Variants in ADAM19 observed in about 807,000 individuals in gnomAD.
The protein encoded by ADAM19 is disintegrin and metalloproteinase domain-containing protein 19.
ADAM19 carries 65 observed loss-of-function variants against 114.7 expected under a neutral mutation model. That is an observed-to-expected ratio of 0.57 (90% CI 0.46 to 0.70). The LOEUF (loss-of-function observed/expected upper bound fraction) is 0.70, where lower values mean the gene tolerates loss of function less well. Ranked by LOEUF, ADAM19 falls within the 30% of genes least tolerant of loss-of-function variation. ADAM19 has a pLI of 0.00. For missense variants in ADAM19, 1,063 were observed against 1,204.7 expected, an observed-to-expected ratio of 0.88 and a Z score of 1.74; for synonymous variants, 466 against 460.5, an observed-to-expected ratio of 1.01 and a Z score of -0.15.
intron 5 of ADAM19, among the ~76,000 whole-genome samples, chr5:157,524,507 C>T (rs1417816262): frequency 1.3e-5 from 2 of 152,250 alleles, no homozygotes; most frequent in African/African-American, 4.8e-5. Context: ...TTCCTGGGGA[C>T]TTGTCCATTC....
At chr5:157,560,889 G>A (rs978966385) in intron 3 of ADAM19, among the ~76,000 whole-genome samples, 1 of 152,210 alleles carries the variant, frequency 6.6e-6, no homozygotes, top group African/African-American at 2.4e-5. Context: ...TAGCTACCTT[G>A]AGCTTGGAAT....
At position 157,478,733 on chromosome 5, in the gene ADAM19, T is replaced by C. The variant is rs1000420503; in HGVS notation, c.*2216A>G. 7.1e-6 allele frequency: 7 copies of C among 985,836 alleles called. No individual in the cohort carries two copies. Among genetic ancestry groups the C allele is most frequent in the Non-Finnish European group, 8.4e-6 (7 of 829,954 alleles). The allele number at this position is 985,836 out of a possible 1,614,324, so 61.1% of individuals were successfully genotyped here. A position where few individuals can be genotyped will look rare whatever the true frequency, so the allele number is the denominator to read the frequency against. On this transcript the variant is annotated 3_prime_UTR_variant, in exon 23 of 23. Coordinates refer to ENST00000257527, the MANE Select transcript of ADAM19 (RefSeq NM_033274.5). ...ACCATCTTCCAGTTCACAGTACAAC[T>C]TTATGGGATGGAGGTGATATGAAAA...
At chr5:157,554,209 G>T (rs4627972) in intron 3 of ADAM19, among the ~76,000 whole-genome samples, 2,117 of 152,302 alleles carry the variant, frequency 0.014, 42 homozygotes, top group African/African-American at 0.048. Context: ...CCAAACCCAA[G>T]CATCCTGACT....
At chr5:157,521,584 C>T (rs1470810363) in intron 5 of ADAM19, among the ~76,000 whole-genome samples, 2 of 152,176 alleles carry the variant, frequency 1.3e-5, no homozygotes, top group African/African-American at 4.8e-5. Flanking sequence ...GGATCCCATC[C>T]CTGGCTGACC....
In ADAM19 at chr5:157,477,518, G is replaced by A; in HGVS notation, c.*3431C>T. Reference sequence around the variant, plus strand: ...TCCCAGACACATACAAACGCACAGTGGACGGTGTGAGAGGACGCGTTGGGG... The same window carrying A: ...TCCCAGACACATACAAACGCACAGTAGACGGTGTGAGAGGACGCGTTGGGG... On this transcript the variant is annotated 3_prime_UTR_variant, in exon 23 of 23. Transcript: ENST00000257527. 2.6e-6 allele frequency: 3 copies of A among 1,142,972 alleles called. No homozygotes were observed. The highest frequency in any genetic ancestry group is 3.3e-6 in the Non-Finnish European group (3 of 913,860). 70.8% of individuals were successfully genotyped at this position (1,142,972 alleles called of 1,614,324 possible).
Position 157,522,786 on chromosome 5 carries a change from C to T in ADAM19, c.408-2755G>A, listed in dbSNP as rs943054962. 2.0e-5 allele frequency among the ~76,000 whole-genome samples: 3 copies of T among 151,208 alleles called. No individual in the cohort carries two copies. In the South Asian group the frequency reaches 6.3e-4, roughly 32 times the overall value. On this transcript the variant is annotated intron_variant, in intron 5 of 22. Transcript: ENST00000257527. ...GGGCGACAGAGCAAGACTCCATCTC[C>T]AAAAGAAAAAAAAATACCCTGTAGA...
chr5:157,481,046 C>T, intron 22 of ADAM19, 44 bp from the exon 23 acceptor site: 2 of 1,613,290 alleles, frequency 1.2e-6, no homozygotes, highest in Non-Finnish European at 1.7e-6. Context: ...CAGCTTGATG[C>T]TGATCAATGG....
chr5:157,490,205 C>T (rs1443210362), intron 19 of ADAM19, 105 bp downstream of exon 19: 1 of 1,320,386 alleles, frequency 7.6e-7, no homozygotes, highest in Non-Finnish European at 1.1e-6. Context: ...CACTTGTCTT[C>T]CCTGAATTAG....
chr5:157,522,272 A>T (rs560164830), intron 5 of ADAM19, among the ~76,000 whole-genome samples: 79 of 150,426 alleles, frequency 5.3e-4, no homozygotes, highest in African/African-American at 1.9e-3. Flanking sequence ...AGTAAGAGTA[A>T]GAGTAGGGAT....
At chr5:157,485,733 C>T (rs1464097551) in intron 21 of ADAM19, among the ~76,000 whole-genome samples, 1 of 152,234 alleles carries the variant, frequency 6.6e-6, no homozygotes. Context: ...AAAGCTCCTT[C>T]ATCACTTGCC....
chr5:157,482,005 T>G, intron 21 of ADAM19, 62 bp from the exon 22 acceptor site: 1 of 1,327,844 alleles, frequency 7.5e-7, no homozygotes, highest in Non-Finnish European at 1.0e-6. Context: ...AAAATATCCC[T>G]GATATCTTAC....
chr5:157,499,768 T>A, intron 12 of ADAM19, 106 bp from the exon 13 acceptor site: 17 of 416,860 alleles, frequency 4.1e-5, no homozygotes, highest in Non-Finnish European at 5.0e-5. Flanking sequence ...CTCTAGCAAC[T>A]ATCTCTTTTT....
At chr5:157,486,073 G>C (rs542985260) in intron 21 of ADAM19, among the ~76,000 whole-genome samples, 1 of 152,224 alleles carries the variant, frequency 6.6e-6, no homozygotes, top group Non-Finnish European at 1.5e-5. Flanking sequence ...GGGGGTCCAT[G>C]TCCCCCAGCT....
chr5:157,526,207 T>G (rs1035027145), intron 5 of ADAM19, among the ~76,000 whole-genome samples: 76 of 151,844 alleles, frequency 5.0e-4, no homozygotes, highest in African/African-American at 1.8e-3. Context: ...CACACAATTA[T>G]GTATTTCAAT....
intron 9 of ADAM19, 57 bp from the exon 10 acceptor site, chr5:157,507,197 T>C: frequency 6.4e-7 from 1 of 1,556,094 alleles, no homozygotes; most frequent in Non-Finnish European, 8.9e-7. Flanking sequence ...GCTGTTCCAA[T>C]GTGCCTGGGA....
At chr5:157,519,017 G>C (rs1350757414) in intron 6 of ADAM19, 129 bp from the exon 7 acceptor site, 3 of 776,924 alleles carry the variant, frequency 3.9e-6, no homozygotes, top group South Asian at 1.6e-5. Flanking sequence ...TTCGGCACTA[G>C]AGATGTTCTT....
intron 3 of ADAM19, among the ~76,000 whole-genome samples, chr5:157,549,643 T>C (rs1757135738): frequency 6.6e-6 from 1 of 152,236 alleles, no homozygotes; most frequent in African/African-American, 2.4e-5. Context: ...CTTTCAATTC[T>C]ACCATGTAAA....
intron 3 of ADAM19, among the ~76,000 whole-genome samples, chr5:157,552,685 A>T (rs1446919321): frequency 6.8e-6 from 1 of 147,126 alleles, no homozygotes; most frequent in Non-Finnish European, 1.5e-5. Context: ...CTCAAAAAAA[A>T]AAAAAAAAAA....
intron 8 of ADAM19, among the ~76,000 whole-genome samples, chr5:157,510,246 G>T (rs1407637034): frequency 6.6e-6 from 1 of 152,226 alleles, no homozygotes; most frequent in African/African-American, 2.4e-5. Flanking sequence ...AGGCTAAGGT[G>T]GATGGATCAC....
Sources: gnomAD v4.1 joint callset for allele counts (sites outside exome capture counted in the v4.1 genomes callset) on GRCh38, gnomAD v4.1.1 for gene constraint, MANE v1.5 for transcripts, NCBI Gene and HGNC (gene_info 2026-07-23, HGNC 2026-07-21) for gene names.